The following EYS variants were observed in gnomAD, a reference collection of about 807,000 sequenced individuals.
EYS encodes the protein protein eyes shut homolog.
EYS carries 250 observed loss-of-function variants against 282.1 expected under a neutral mutation model. The observed-to-expected ratio is 0.89, with a 90% confidence interval of 0.80 to 0.98. EYS has a LOEUF of 0.98. Among genes scored for constraint, EYS ranks in the 50% least tolerant of loss-of-function variants. EYS has a pLI of 0.00. For synonymous variants in EYS, 1,355 were observed against 1,282.9 expected, an observed-to-expected ratio of 1.06 and a Z score of -1.20; for missense variants, 4,016 against 3,709.0, an observed-to-expected ratio of 1.08 and a Z score of -2.15.
chr6:63,757,819 G>C (rs1040048247), intron 41 of EYS, among the ~76,000 whole-genome samples: 1 of 152,138 alleles, frequency 6.6e-6, no homozygotes, highest in South Asian at 2.1e-4. Flanking sequence ...GGATCTCTTC[G>C]TATTGCCTGA....
At chr6:65,262,539 T>C (rs1767648299) in intron 12 of EYS, among the ~76,000 whole-genome samples, 1 of 152,042 alleles carries the variant, frequency 6.6e-6, no homozygotes, top group Admixed American at 6.6e-5. Flanking sequence ...ATTTTTGCAT[T>C]CCCATAAGTC....
chr6:63,803,077 A>G (rs1260293559), intron 37 of EYS, among the ~76,000 whole-genome samples: 1 of 152,152 alleles, frequency 6.6e-6, no homozygotes, highest in Non-Finnish European at 1.5e-5. Flanking sequence ...TTGAAGGAGA[A>G]TTTGGTAGAT....
At chr6:65,642,579 C>G (rs1371363884) in intron 1 of EYS, among the ~76,000 whole-genome samples, 1 of 151,952 alleles carries the variant, frequency 6.6e-6, no homozygotes, top group African/African-American at 2.4e-5. Flanking sequence ...TATTAGGTAG[C>G]AACTTATTGT....
chr6:63,804,658 T>A (rs1399914419), intron 37 of EYS, among the ~76,000 whole-genome samples: 1 of 152,196 alleles, frequency 6.6e-6, no homozygotes, highest in East Asian at 1.9e-4. Flanking sequence ...GGCCTGGTTG[T>A]GTTCAGAGAT....
rs371726638 is a variant in EYS at position 65,353,809 on chromosome 6, A to G, written c.1300-192T>C. ...TTCTGTACTATCTTTTGTCATATCC[A>G]TGTTCAAAAGCCTATATGATAATCT... is the stretch of plus-strand genomic sequence containing the variant. On this transcript the variant is annotated intron_variant, in intron 8 of 42. Coordinates refer to ENST00000503581, the MANE Select transcript of EYS (RefSeq NM_001142800.2). Among the ~76,000 whole-genome samples, 8 of 152,098 alleles carry G rather than the reference A, an allele frequency of 5.3e-5. No individual in the cohort carries two copies. In the East Asian group the frequency reaches 9.7e-4, roughly 18 times the overall value.
At position 65,156,793 on chromosome 6, in the gene EYS, A is replaced by G. The variant is rs542892507; in HGVS notation, c.2024-99066T>C. Among the ~76,000 whole-genome samples, 163 of 151,026 alleles carry G rather than the reference A, an allele frequency of 1.1e-3. 1 individual carries two copies. The highest frequency in any genetic ancestry group is 3.7e-3 in the African/African-American group (155 of 41,414). The stretch of plus-strand genomic sequence containing the variant: ...ATTCCTTTCTACATCATCTACCAAC[A>G]TCTTCATCAGTCTTTCCCTGGCCTC... On this transcript the variant is annotated intron_variant, in intron 12 of 42. Coordinates refer to ENST00000503581, the MANE Select transcript of EYS (RefSeq NM_001142800.2).
chr6:64,872,805 C>T (rs538526297), intron 19 of EYS, among the ~76,000 whole-genome samples: 2 of 151,826 alleles, frequency 1.3e-5, no homozygotes, highest in South Asian at 4.2e-4. Context: ...TTGCAATTCC[C>T]CCAGTACCTA....
chr6:65,023,520 G>C (rs72877816), intron 13 of EYS, among the ~76,000 whole-genome samples: 6 of 152,174 alleles, frequency 3.9e-5, no homozygotes, highest in African/African-American at 1.4e-4. Context: ...ATTTCCTGCC[G>C]TTGACATATG....
intron 36 of EYS, among the ~76,000 whole-genome samples, chr6:63,854,676 G>T (rs957167609): frequency 1.3e-5 from 2 of 152,066 alleles, no homozygotes; most frequent in Admixed American, 6.6e-5. Context: ...ACAGCTAGTT[G>T]AAATTATATA....
At chr6:64,811,463 T>C (rs1015185594) in intron 22 of EYS, among the ~76,000 whole-genome samples, 2 of 152,090 alleles carry the variant, frequency 1.3e-5, no homozygotes, top group African/African-American at 4.8e-5. Context: ...TGGATAACTT[T>C]TCCCTAAAAG....
chr6:64,995,999 TAA>T (rs1771249228), intron 14 of EYS, among the ~76,000 whole-genome samples: 1 of 152,146 alleles, frequency 6.6e-6, no homozygotes, highest in Non-Finnish European at 1.5e-5. Context: ...TCTTCTGTAA[TAA>T]ACTCAGATTA....
chr6:64,171,641 G>T (rs1408855985), intron 31 of EYS, among the ~76,000 whole-genome samples: 14 of 151,954 alleles, frequency 9.2e-5, no homozygotes, highest in Admixed American at 8.5e-4. Flanking sequence ...GTCTTCCACT[G>T]CACGTAACAA....
intron 29 of EYS, among the ~76,000 whole-genome samples, chr6:64,376,083 T>C (rs976650205): frequency 6.6e-6 from 1 of 152,088 alleles, no homozygotes; most frequent in Non-Finnish European, 1.5e-5. Context: ...ATAAGAAAGA[T>C]CTATCATTTC....
intron 1 of EYS, among the ~76,000 whole-genome samples, chr6:65,644,177 G>C (rs1321315548): frequency 6.6e-6 from 1 of 151,888 alleles, no homozygotes; most frequent in Non-Finnish European, 1.5e-5. Flanking sequence ...ACATGATACA[G>C]GTTATTAAAG....
intron 33 of EYS, among the ~76,000 whole-genome samples, chr6:64,040,178 T>C (rs948611008): frequency 4.6e-5 from 7 of 152,198 alleles, no homozygotes; most frequent in Non-Finnish European, 4.4e-5. Flanking sequence ...ACCGTGTAAA[T>C]TGAGAGTTTG....
chr6:63,991,561 T>G (rs1767603606), intron 34 of EYS, among the ~76,000 whole-genome samples: 1 of 151,406 alleles, frequency 6.6e-6, no homozygotes, highest in Non-Finnish European at 1.5e-5. Flanking sequence ...ATGCCTGAAT[T>G]TAAAAATTCA....
chr6:64,910,283 G>A (rs572967228), intron 16 of EYS, among the ~76,000 whole-genome samples: 58 of 152,228 alleles, frequency 3.8e-4, no homozygotes, highest in African/African-American at 1.3e-3. Flanking sequence ...TTTAAATAAA[G>A]CTATTAAAGT....
chr6:63,723,437 A>G (rs534523128), intron 42 of EYS, among the ~76,000 whole-genome samples: 21 of 152,324 alleles, frequency 1.4e-4, no homozygotes, highest in African/African-American at 4.8e-4. Flanking sequence ...TTGCAAGATT[A>G]TGGAGGAAGC....
intron 12 of EYS, among the ~76,000 whole-genome samples, chr6:65,124,442 A>C (rs2150198180): frequency 6.6e-6 from 1 of 152,322 alleles, no homozygotes; most frequent in East Asian, 1.9e-4. Flanking sequence ...TAATTTTTAT[A>C]TGTAATTCAC....
Sources: allele counts gnomAD v4.1 joint callset (sites outside exome capture counted in the v4.1 genomes callset), GRCh38; gene constraint gnomAD v4.1.1; transcripts MANE v1.5; gene names NCBI Gene and HGNC (gene_info 2026-07-23, HGNC 2026-07-21).